The following AIMP1 variants were observed in gnomAD, a reference collection of about 807,000 sequenced individuals.
The protein encoded by AIMP1 is aminoacyl tRNA synthase complex-interacting multifunctional protein 1.
AIMP1 carries 24 observed loss-of-function variants against 33.1 expected under a neutral mutation model. That is an observed-to-expected ratio of 0.73 (90% CI 0.53 to 1.02). The LOEUF (loss-of-function observed/expected upper bound fraction) is 1.02, where lower values mean the gene tolerates loss of function less well. Among genes scored for constraint, AIMP1 ranks in the 50% least tolerant of loss-of-function variants. The pLI is 0.00. For synonymous variants in AIMP1, 120 were observed against 121.5 expected (o/e 0.99, Z 0.08); for missense variants, 367 against 364.8 (o/e 1.01, Z -0.05).
At chr4:106,338,221 G>T (rs1769963717) in intron 6 of AIMP1, among the ~76,000 whole-genome samples, 1 of 152,198 alleles carries the variant, frequency 6.6e-6, no homozygotes, top group African/African-American at 2.4e-5. Context: ...ACCCATTTCT[G>T]CCAGCTGCAG....
chr4:106,317,813 T>C (rs553033064), intron 1 of AIMP1, among the ~76,000 whole-genome samples: 2 of 152,292 alleles, frequency 1.3e-5, no homozygotes, highest in African/African-American at 4.8e-5. Context: ...AAATCACATC[T>C]GTCAAGATTG....
In AIMP1 at chr4:106,347,561, A is replaced by C; in HGVS notation, c.808A>C (p.Ile270Leu). The C allele has an allele frequency of 6.2e-7, 1 of 1,613,220 alleles. No homozygotes were observed. The highest frequency in any genetic ancestry group is 8.5e-7 in the Non-Finnish European group (1 of 1,179,556). The change falls in exon 7 of 7, where the codon ATT becomes CTT. Residue 270 changes from isoleucine (I) to leucine (L), a missense_variant. Coordinates refer to ENST00000672341, the MANE Select transcript of AIMP1 (RefSeq NM_001142416.2). The part of the protein sequence containing the change: ...PDKELNPKKK[I>L]WEQIQPDLHT... ...CAAGGAGCTGAATCCTAAGAAGAAG[A>C]TTTGGGAGCAGATCCAGCCTGATCT...
chr4:106,333,777 C>T (rs954561730), intron 5 of AIMP1, among the ~76,000 whole-genome samples: 6 of 152,216 alleles, frequency 3.9e-5, no homozygotes, highest in African/African-American at 1.4e-4. Context: ...GCATGATAAC[C>T]GTTTTAAAAG....
chr4:106,346,570 A>G (rs140338840), intron 6 of AIMP1, among the ~76,000 whole-genome samples: 82 of 152,246 alleles, frequency 5.4e-4, no homozygotes, highest in African/African-American at 2.0e-3. Flanking sequence ...GTTTCTTTAC[A>G]TCTCACCGAG....
chr4:106,340,283 T>G lies in AIMP1; in HGVS notation c.772+3246T>G, dbSNP rs13148784. ...TAAAATTAAACTAAGGTTTTTTGGG[T>G]TTTTTTTTTTCCAACTTGTATTTTA... is the stretch of plus-strand genomic sequence containing the variant. On this transcript the variant is annotated intron_variant, in intron 6 of 6. Coordinates refer to ENST00000672341, the MANE Select transcript of AIMP1 (RefSeq NM_001142416.2). Among the ~76,000 whole-genome samples, 427 of 109,108 alleles carry G rather than the reference T, an allele frequency of 3.9e-3. 1 individual carries two copies. Among genetic ancestry groups the G allele is most frequent in the Non-Finnish European group, 7.4e-3 (337 of 45,388 alleles). 71.6% of individuals were successfully genotyped at this position (109,108 alleles called of 152,430 possible).
chr4:106,330,439 A>G (rs1315738078), intron 4 of AIMP1, among the ~76,000 whole-genome samples: 2 of 152,110 alleles, frequency 1.3e-5, no homozygotes, highest in Non-Finnish European at 2.9e-5. Flanking sequence ...TGGAAAATGG[A>G]ATTTTTTTAA....
chr4:106,325,027 T>C lies in AIMP1; in HGVS notation c.18T>C (p.Ala6=), dbSNP rs796281605. ...TGGCAAAAATGGCAAATAATGATGC[T>C]GTTCTGAAGAGACTGGAGCAGAAGG... MANND[A]VLKRLEQKGA... Residue 6 remains alanine, a synonymous_variant, in exon 2 of 7, where the codon GCT becomes GCC. Transcript: ENST00000672341. 2.5e-6 allele frequency: 4 copies of C among 1,606,416 alleles called. No individual in the cohort carries two copies. The African/African-American group carries it at 5.3e-5, about 21-fold the overall frequency.
At chr4:106,338,097 A>T (rs372302276) in intron 6 of AIMP1, among the ~76,000 whole-genome samples, 12 of 152,222 alleles carry the variant, frequency 7.9e-5, no homozygotes, top group African/African-American at 2.7e-4. Flanking sequence ...GCTCTTAAGC[A>T]TTCAGTTGTA....
At chr4:106,345,880 A>C (rs967843144) in intron 6 of AIMP1, among the ~76,000 whole-genome samples, 107 of 148,150 alleles carry the variant, frequency 7.2e-4, no homozygotes, top group Middle Eastern at 3.6e-3. Context: ...TATTCCTAAT[A>C]TAAAATATAA....
chr4:106,336,075 T>C (rs1690912134), intron 5 of AIMP1, among the ~76,000 whole-genome samples: 1 of 128,524 alleles, frequency 7.8e-6, no homozygotes, highest in South Asian at 2.8e-4. Context: ...AGGGTCTCAC[T>C]CTTGCCCAAG....
chr4:106,325,622 G>A (rs757733517), intron 2 of AIMP1, among the ~76,000 whole-genome samples: 1 of 151,888 alleles, frequency 6.6e-6, no homozygotes, highest in Non-Finnish European at 1.5e-5. Context: ...TCTTCTGTAG[G>A]TGGCCATTTC....
At chr4:106,326,620 A>G (rs1434916741) in intron 2 of AIMP1, among the ~76,000 whole-genome samples, 3 of 152,208 alleles carry the variant, frequency 2.0e-5, no homozygotes, top group Non-Finnish European at 2.9e-5. Context: ...CTTTAGCAAT[A>G]TTCAGCTTCT....
intron 4 of AIMP1, 116 bp from the exon 5 acceptor site, chr4:106,331,556 A>C: frequency 1.2e-6 from 1 of 846,656 alleles, no homozygotes; most frequent in Non-Finnish European, 1.9e-6. Flanking sequence ...GTAGGAGATA[A>C]ACATTCTTTT....
chr4:106,334,095 A>G (rs1192203929), intron 5 of AIMP1, among the ~76,000 whole-genome samples: 3 of 152,260 alleles, frequency 2.0e-5, no homozygotes, highest in Middle Eastern at 3.4e-3. Flanking sequence ...ATGGACTTCA[A>G]CATTACGATA....
intron 1 of AIMP1, among the ~76,000 whole-genome samples, chr4:106,318,678 A>G (rs1247651024): frequency 6.6e-6 from 1 of 152,138 alleles, no homozygotes; most frequent in Non-Finnish European, 1.5e-5. Flanking sequence ...CCACACTTAC[A>G]CCCACTTAGT....
chr4:106,318,715 G>A (rs1412728659), intron 1 of AIMP1, among the ~76,000 whole-genome samples: 1 of 152,112 alleles, frequency 6.6e-6, no homozygotes, highest in African/African-American at 2.4e-5. Context: ...CATTATTTCA[G>A]TTGAGTTATA....
chr4:106,320,164 A>G (rs568472254), intron 1 of AIMP1, among the ~76,000 whole-genome samples: 6 of 152,324 alleles, frequency 3.9e-5, no homozygotes, highest in Admixed American at 1.3e-4. Context: ...CTTATACTCA[A>G]TGTAAAATTG....
intron 6 of AIMP1, among the ~76,000 whole-genome samples, chr4:106,346,172 T>C (rs1053126655): frequency 9.9e-5 from 15 of 152,094 alleles, no homozygotes; most frequent in Non-Finnish European, 2.2e-4. Context: ...ATTGAACTTA[T>C]ATTAAACTTT....
intron 5 of AIMP1, among the ~76,000 whole-genome samples, chr4:106,332,703 G>GAT (rs144897056): frequency 1.6e-3 from 237 of 143,976 alleles, no homozygotes; most frequent in African/African-American, 4.9e-3. Flanking sequence ...TGTCTATATA[G>GAT]ATATATATAT....
Sources: gnomAD v4.1 joint callset for allele counts (sites outside exome capture counted in the v4.1 genomes callset) on GRCh38, gnomAD v4.1.1 for gene constraint, MANE v1.5 for transcripts, NCBI Gene and HGNC (gene_info 2026-07-23, HGNC 2026-07-21) for gene names.